Variants in PRH1 observed in about 807,000 individuals in gnomAD.
PRH1 encodes salivary acidic proline-rich phosphoprotein 1/2.
In PRH1, 7 loss-of-function variants were observed where a neutral mutation model predicts 7.9. That is an observed-to-expected ratio of 0.89 (90% confidence interval 0.50 to 1.67). PRH1 has a LOEUF of 1.67. Among genes scored for constraint, PRH1 ranks in the 40% most tolerant of loss-of-function variants. The probability of loss-of-function intolerance (pLI) is 0.00; values close to 1 mark genes in which losing one functional copy is unlikely to be tolerated. For synonymous variants in PRH1, 45 were observed against 80.8 expected, an observed-to-expected ratio of 0.56 and a Z score of 2.38; for missense variants, 109 against 223.6, an observed-to-expected ratio of 0.49 and a Z score of 3.27.
chr12:11,072,753 C>CT (rs900420098), intron 1 of PRH1, among the ~76,000 whole-genome samples: 2 of 147,094 alleles, frequency 1.4e-5, no homozygotes, highest in Admixed American at 6.8e-5. Flanking sequence ...GCTTCTGGCA[C>CT]TTTGCATGTG....
At position 11,068,879 on chromosome 12, in the gene PRH1, C is replaced by T. The variant is rs192343097; in HGVS notation, n.124-21691G>A. The stretch of plus-strand genomic sequence containing the variant: ...AGCAAAAATATTATTAATACTCCAT[C>T]TTTTCCCTTAGATTTTTGGTATTAT... On this transcript the variant is annotated intron_variant and non_coding_transcript_variant, in intron 1 of 4. Transcript: ENST00000541977. 1.5e-4 allele frequency among the ~76,000 whole-genome samples: 22 copies of T among 149,362 alleles called. No individual in the cohort carries two copies. The East Asian group carries it at 4.1e-3, about 28-fold the overall frequency.
chr12:11,024,492 A>G (rs1295559262), intron 1 of PRH1, among the ~76,000 whole-genome samples: 1 of 152,134 alleles, frequency 6.6e-6, no homozygotes, highest in East Asian at 1.9e-4. Flanking sequence ...TCGACCCTAA[A>G]CTCAATAGCT....
At chr12:10,890,041 G>A (rs185749879) in intron 2 of PRH1, among the ~76,000 whole-genome samples, 319 of 152,170 alleles carry the variant, frequency 2.1e-3, no homozygotes, top group Non-Finnish European at 3.6e-3. Context: ...AGAAATGGTC[G>A]ATTTTTTGTG....
At chr12:10,922,154 G>A (rs1950054827) in intron 2 of PRH1, among the ~76,000 whole-genome samples, 1 of 152,068 alleles carries the variant, frequency 6.6e-6, no homozygotes, top group African/African-American at 2.4e-5. Flanking sequence ...AAACCACCTA[G>A]AACAGTACCA....
At chr12:11,124,324 C>T (rs1946026505) in intron 1 of PRH1, among the ~76,000 whole-genome samples, 1 of 152,280 alleles carries the variant, frequency 6.6e-6, no homozygotes, top group Non-Finnish European at 1.5e-5. Context: ...CCATCATTAC[C>T]TACATGAAAT....
chr12:11,056,424 G>A (rs1462970206), intron 1 of PRH1, among the ~76,000 whole-genome samples: 1 of 152,094 alleles, frequency 6.6e-6, no homozygotes, highest in Non-Finnish European at 1.5e-5. Flanking sequence ...TTTCTAAGAG[G>A]GGATCTTGGA....
At chr12:10,952,783 G>A (rs1019271852) in intron 2 of PRH1, among the ~76,000 whole-genome samples, 14 of 152,200 alleles carry the variant, frequency 9.2e-5, no homozygotes, top group African/African-American at 2.9e-4. Flanking sequence ...GCAGCCTTGG[G>A]CCAGCCTGCA....
At chr12:11,100,091 GTAA>G (rs1397851571) in intron 1 of PRH1, among the ~76,000 whole-genome samples, 3 of 152,020 alleles carry the variant, frequency 2.0e-5, no homozygotes, top group Non-Finnish European at 4.4e-5. Flanking sequence ...AATCAGATGA[GTAA>G]TAATAATTTC....
At chr12:11,087,984 T>A (rs536286985) in intron 1 of PRH1, among the ~76,000 whole-genome samples, 2 of 121,262 alleles carry the variant, frequency 1.6e-5, no homozygotes, top group South Asian at 4.5e-4. Flanking sequence ...ATATCATGGC[T>A]ATGTCACTTC....
At chr12:11,068,029 T>G (rs1342554432) in intron 1 of PRH1, among the ~76,000 whole-genome samples, 1 of 15,768 alleles carries the variant, frequency 6.3e-5, no homozygotes, top group Non-Finnish European at 4.7e-4. Context: ...CTTTTTTAAC[T>G]TTTTTTTTTT....
chr12:11,036,966 T>C (rs921145284), intron 1 of PRH1, among the ~76,000 whole-genome samples: 42 of 152,224 alleles, frequency 2.8e-4, no homozygotes, highest in Non-Finnish European at 6.2e-4. Context: ...GGCCTCATGA[T>C]TCTTCTATGA....
At chr12:11,051,108 T>G (rs144149767), upstream of PRH1, among the ~76,000 whole-genome samples, 1 of 152,396 alleles carries the variant, frequency 6.6e-6, no homozygotes, top group East Asian at 1.9e-4. Context: ...TTAAGTGATA[T>G]AGGTATTCTG....
chr12:11,103,671 A>G (rs934044341), intron 1 of PRH1, among the ~76,000 whole-genome samples: 2 of 152,150 alleles, frequency 1.3e-5, no homozygotes, highest in Non-Finnish European at 2.9e-5. Context: ...CATGTACCCT[A>G]GAACTTAAAG....
chr12:10,918,422 CA>C (rs199660309), intron 2 of PRH1, among the ~76,000 whole-genome samples: 171 of 148,506 alleles, frequency 1.2e-3, no homozygotes, highest in African/African-American at 3.7e-3. Flanking sequence ...ATCAAAAATG[CA>C]AAAAAAAATA....
At chr12:10,934,660 C>T (rs943987276) in intron 2 of PRH1, among the ~76,000 whole-genome samples, 2 of 151,848 alleles carry the variant, frequency 1.3e-5, no homozygotes, top group East Asian at 3.9e-4. Context: ...GTAGAAAGCA[C>T]TAAGGTGTAC....
intron 2 of PRH1, among the ~76,000 whole-genome samples, chr12:10,957,466 G>A (rs979558696): frequency 6.6e-6 from 1 of 151,662 alleles, no homozygotes; most frequent in Non-Finnish European, 1.5e-5. Context: ...TTTAAAAAAC[G>A]GAAAAATAAC....
intron 1 of PRH1, among the ~76,000 whole-genome samples, chr12:11,150,371 G>C (rs961098430): frequency 6.6e-6 from 1 of 152,144 alleles, no homozygotes. Context: ...ACATGCACAC[G>C]TATGTTTATT....
chr12:11,121,562 A>G (rs796931309), intron 1 of PRH1, among the ~76,000 whole-genome samples: 1 of 115,522 alleles, frequency 8.7e-6, no homozygotes, highest in Non-Finnish European at 2.0e-5. Flanking sequence ...CTAACTACAC[A>G]TAAAAAATTA....
intron 1 of PRH1, among the ~76,000 whole-genome samples, chr12:11,046,022 G>T (rs1354727361): frequency 3.9e-5 from 6 of 152,102 alleles, no homozygotes; most frequent in African/African-American, 1.2e-4. Context: ...ATAGAAAGTT[G>T]TAATATATGC....
Sources: allele counts gnomAD v4.1 joint callset (sites outside exome capture counted in the v4.1 genomes callset), GRCh38; gene constraint gnomAD v4.1.1; transcripts MANE v1.5; gene names NCBI Gene and HGNC (gene_info 2026-07-23, HGNC 2026-07-21).